DNAJC3: variants seen among roughly 807,000 people sequenced by gnomAD.
DNAJC3 encodes the protein DnaJ heat shock protein family (Hsp40) member C3.
DNAJC3 carries 38 observed loss-of-function variants against 68.6 expected under a neutral mutation model. That is an observed-to-expected ratio of 0.55 (90% CI 0.43 to 0.73). DNAJC3 has a LOEUF of 0.73. Among genes scored for constraint, DNAJC3 ranks in the 30% least tolerant of loss-of-function variants. The pLI is 0.00. For synonymous variants in DNAJC3, 203 were observed against 204.0 expected, an observed-to-expected ratio of 1.00 and a Z score of 0.04; for missense variants, 526 against 591.9, an observed-to-expected ratio of 0.89 and a Z score of 1.16.
rs1377601655 is a variant in DNAJC3 at position 95,791,233 on chromosome 13, C to CTATT, written c.*205_*208dup. ...AACGGCAAGGAGGCAAGGAATGGTT[C>CTATT]TATTTCTGACAGAGCAGCCTGCATC... is the stretch of plus-strand genomic sequence containing the variant. On this transcript the variant is annotated 3_prime_UTR_variant, in exon 12 of 12. Coordinates refer to ENST00000602402, the MANE Select transcript of DNAJC3 (RefSeq NM_006260.5). 2 of 606,068 alleles carry CTATT rather than the reference C, an allele frequency of 3.3e-6. No individual in the cohort carries two copies. The highest frequency in any genetic ancestry group is 3.1e-5 in the Admixed American group (1 of 32,490). The allele number at this position is 606,068 out of a possible 1,614,324, so 37.5% of individuals were successfully genotyped here.
intron 7 of DNAJC3, among the ~76,000 whole-genome samples, chr13:95,763,042 A>G (rs780786782): frequency 2.0e-5 from 3 of 152,164 alleles, no homozygotes; most frequent in South Asian, 2.1e-4. Context: ...TTACTTTACT[A>G]TTGTTGAGGG....
At chr13:95,755,872 C>T (rs1289606638) in intron 4 of DNAJC3, among the ~76,000 whole-genome samples, 1 of 149,992 alleles carries the variant, frequency 6.7e-6, no homozygotes, top group African/African-American at 2.4e-5. Context: ...CCCCTCGTTT[C>T]TCCAACTCCT....
Position 95,790,903 on chromosome 13 carries a change from A to T in DNAJC3, c.1388A>T (p.Asp463Val). Residue 463 changes from aspartate to valine, a missense_variant, in exon 12 of 12, where the codon GAT (aspartate) becomes GTT (valine). Coordinates refer to ENST00000602402, the MANE Select transcript of DNAJC3 (RefSeq NM_006260.5). ...EMRKKFDDGE[D>V]PLDAESQQGG... The stretch of plus-strand genomic sequence containing the variant: ...AGAAAGAAGTTTGACGACGGAGAAG[A>T]TCCTTTGGATGCAGAGAGCCAGCAA... 6.2e-7 allele frequency: 1 copy of T among 1,606,722 alleles called. No homozygotes were observed. Among genetic ancestry groups the T allele is most frequent in the Non-Finnish European group, 8.5e-7 (1 of 1,178,430 alleles).
intron 9 of DNAJC3, among the ~76,000 whole-genome samples, chr13:95,779,372 CTG>C (rs1566514170): frequency 6.6e-6 from 1 of 152,124 alleles, no homozygotes; most frequent in Non-Finnish European, 1.5e-5. Context: ...GATCTGCCCA[CTG>C]CGGCCTCCCA....
At chr13:95,763,592 C>T (rs1382339661) in intron 7 of DNAJC3, 51 bp from the exon 8 acceptor site, 11 of 1,563,542 alleles carry the variant, frequency 7.0e-6, no homozygotes, top group African/African-American at 1.4e-5. Flanking sequence ...CTTTCTACAG[C>T]TCTGGAAATC....
intron 1 of DNAJC3, among the ~76,000 whole-genome samples, chr13:95,686,960 A>C (rs868282157): frequency 1.3e-5 from 2 of 152,200 alleles, no homozygotes; most frequent in Non-Finnish European, 1.5e-5. Flanking sequence ...TCTACAGATT[A>C]CTATGGGCAG....
intron 4 of DNAJC3, among the ~76,000 whole-genome samples, chr13:95,725,597 C>T (rs1214811488): frequency 6.6e-6 from 1 of 151,932 alleles, no homozygotes; most frequent in Non-Finnish European, 1.5e-5. Context: ...CCTTATTAGG[C>T]TTTGGATCTG....
intron 11 of DNAJC3, 123 bp downstream of exon 11, chr13:95,787,278 G>C: frequency 7.9e-7 from 1 of 1,262,686 alleles, no homozygotes; most frequent in Non-Finnish European, 1.1e-6. Flanking sequence ...CCCAGTTCCA[G>C]AGGTCCAGTT....
intron 9 of DNAJC3, among the ~76,000 whole-genome samples, chr13:95,767,817 G>A (rs994362872): frequency 6.7e-6 from 1 of 149,796 alleles, no homozygotes; most frequent in Non-Finnish European, 1.5e-5. Flanking sequence ...AGCCTCCTTA[G>A]TAGCTGGGAT....
chr13:95,738,057 T>A lies in DNAJC3; in HGVS notation c.393+12805T>A, dbSNP rs1881991892. On this transcript the variant is annotated intron_variant, in intron 4 of 11. Coordinates refer to ENST00000602402, the MANE Select transcript of DNAJC3 (RefSeq NM_006260.5). ...TCGTTGGTTTCAAAGAACATCTTTA[T>A]TTCTGCCTTCATTTCGTTATGTACC... 8.2e-5 allele frequency among the ~76,000 whole-genome samples: 12 copies of A among 146,770 alleles called. No homozygotes were observed. In the South Asian group the frequency reaches 2.7e-3, roughly 33 times the overall value.
chr13:95,733,079 A>G (rs1206154341), intron 4 of DNAJC3, among the ~76,000 whole-genome samples: 1 of 152,156 alleles, frequency 6.6e-6, no homozygotes, highest in African/African-American at 2.4e-5. Flanking sequence ...AGAATGTTGC[A>G]TATGCTGATG....
At chr13:95,730,466 G>A (rs997009263) in intron 4 of DNAJC3, among the ~76,000 whole-genome samples, 8 of 152,096 alleles carry the variant, frequency 5.3e-5, no homozygotes, top group East Asian at 3.8e-4. Flanking sequence ...TCTTTAAGGC[G>A]TTTGTGTTGA....
chr13:95,748,165 G>A (rs1882363967), intron 4 of DNAJC3, among the ~76,000 whole-genome samples: 1 of 152,118 alleles, frequency 6.6e-6, no homozygotes, highest in Non-Finnish European at 1.5e-5. Flanking sequence ...AGTGTTCCAT[G>A]AGATCCAAAT....
At chr13:95,765,158 A>C (rs1882956658) in intron 9 of DNAJC3, among the ~76,000 whole-genome samples, 1 of 152,154 alleles carries the variant, frequency 6.6e-6, no homozygotes, top group Non-Finnish European at 1.5e-5. Flanking sequence ...ATGCAGTCAA[A>C]ATGACACTTT....
chr13:95,760,201 A>G lies in DNAJC3; in HGVS notation c.708A>G (p.Gly236=), dbSNP rs961446250. ...TAAGCACACTGTACTACCAACTAGG[A>G]GACCACGAACTGTCCCTCAGGTCAG... ...YKISTLYYQL[G]DHELSLSEVR... is the part of the protein sequence containing the mutation. The change falls in exon 6 of 12, where the codon GGA becomes GGG. Residue 236 remains glycine (G), a synonymous_variant. Transcript: ENST00000602402. 2 of 1,598,340 alleles carry G rather than the reference A, an allele frequency of 1.3e-6. No individual in the cohort carries two copies. Among genetic ancestry groups the G allele is most frequent in the African/African-American group, 2.7e-5 (2 of 74,492 alleles).
intron 4 of DNAJC3, among the ~76,000 whole-genome samples, chr13:95,731,857 C>T (rs1393363007): frequency 6.6e-6 from 1 of 151,560 alleles, no homozygotes; most frequent in Non-Finnish European, 1.5e-5. Context: ...GCCTGAGCCT[C>T]CTGAGTAGCT....
chr13:95,772,702 T>G (rs1037209311), intron 9 of DNAJC3, among the ~76,000 whole-genome samples: 2 of 152,364 alleles, frequency 1.3e-5, no homozygotes, highest in African/African-American at 4.8e-5. Flanking sequence ...CTTACCCACT[T>G]AAAAATATTT....
chr13:95,690,598 A>G (rs61975181), intron 1 of DNAJC3, among the ~76,000 whole-genome samples: 46 of 113,476 alleles, frequency 4.1e-4, no homozygotes, highest in African/African-American at 8.6e-4. Context: ...GGACGGGGCG[A>G]CTGGCCAGGC....
At position 95,716,730 on chromosome 13, in the gene DNAJC3, C is replaced by T. The variant is rs148215846; in HGVS notation, c.194-6512C>T. Among the ~76,000 whole-genome samples the T allele has an allele frequency of 2.1e-3, 323 of 152,334 alleles. 1 individual carries two copies. The highest frequency in any genetic ancestry group is 4.2e-3 in the Non-Finnish European group (283 of 68,032). Reference sequence around the variant, plus strand: ...CCCCTCAGCATCCACGTCGTTCTGCCATCGCTGCTCTGCCAGTGTCTGCTG... The same window carrying T: ...CCCCTCAGCATCCACGTCGTTCTGCTATCGCTGCTCTGCCAGTGTCTGCTG... On this transcript the variant is annotated intron_variant, in intron 2 of 11. Coordinates refer to ENST00000602402, the MANE Select transcript of DNAJC3 (RefSeq NM_006260.5).
Sources: gnomAD v4.1 joint callset for allele counts (sites outside exome capture counted in the v4.1 genomes callset) on GRCh38, gnomAD v4.1.1 for gene constraint, MANE v1.5 for transcripts, NCBI Gene and HGNC (gene_info 2026-07-23, HGNC 2026-07-21) for gene names.